The following SLC13A1 variants were observed in gnomAD, a reference collection of about 807,000 sequenced individuals.
SLC13A1 encodes the protein solute carrier family 13 member 1, also known as Na(+)/sulfate cotransporter.
Under a neutral mutation model 70.0 loss-of-function variants are expected in SLC13A1, and 65 were observed. That is an observed-to-expected ratio of 0.93 (90% confidence interval 0.76 to 1.14). The LOEUF (loss-of-function observed/expected upper bound fraction) is 1.14, where lower values mean the gene tolerates loss of function less well. Ranked by LOEUF, SLC13A1 falls within the 50% of genes most tolerant of loss-of-function variation. The pLI is 0.00. For missense variants in SLC13A1, 726 were observed against 717.8 expected, an observed-to-expected ratio of 1.01 and a Z score of -0.13; for synonymous variants, 275 against 250.5, an observed-to-expected ratio of 1.10 and a Z score of -0.92.
intron 10 of SLC13A1, among the ~76,000 whole-genome samples, chr7:123,126,753 C>T (rs1056965252): frequency 4.6e-5 from 7 of 151,918 alleles, no homozygotes; most frequent in African/African-American, 1.7e-4. Context: ...ACAAACTGGA[C>T]CGATATTTAT....
At chr7:123,143,668 T>C (rs151243368) in intron 7 of SLC13A1, among the ~76,000 whole-genome samples, 8 of 152,276 alleles carry the variant, frequency 5.3e-5, no homozygotes, top group East Asian at 3.9e-4. Context: ...TTCAATGATA[T>C]GAAATTAAAA....
intron 3 of SLC13A1, among the ~76,000 whole-genome samples, chr7:123,170,879 G>A (rs1402953813): frequency 2.0e-5 from 3 of 151,806 alleles, no homozygotes; most frequent in East Asian, 1.9e-4. Flanking sequence ...GTGCCCGGCC[G>A]AGATAATGTC....
intron 6 of SLC13A1, among the ~76,000 whole-genome samples, chr7:123,162,621 G>T (rs146859215): frequency 2.0e-5 from 3 of 151,990 alleles, no homozygotes; most frequent in Admixed American, 1.3e-4. Context: ...TGTTTGTTAC[G>T]TGATCTAAGC....
At chr7:123,144,854 A>G (rs1480502719) in intron 7 of SLC13A1, among the ~76,000 whole-genome samples, 1 of 152,190 alleles carries the variant, frequency 6.6e-6, no homozygotes, top group Non-Finnish European at 1.5e-5. Context: ...AATACTCAGA[A>G]CATAGCTTCA....
intron 6 of SLC13A1, among the ~76,000 whole-genome samples, chr7:123,155,662 TTTG>T (rs1403550025): frequency 1.3e-5 from 2 of 152,176 alleles, no homozygotes; most frequent in African/African-American, 4.8e-5. Flanking sequence ...TATTTTGGGA[TTTG>T]TTGTTGCCTG....
At chr7:123,131,322 T>G (rs1429691748) in intron 8 of SLC13A1, among the ~76,000 whole-genome samples, 1 of 152,064 alleles carries the variant, frequency 6.6e-6, no homozygotes, top group African/African-American at 2.4e-5. Context: ...GAGCAATCTG[T>G]AGAAGAGAAA....
chr7:123,156,401 AAT>A (rs1491324526), intron 6 of SLC13A1, among the ~76,000 whole-genome samples: 1 of 151,438 alleles, frequency 6.6e-6, no homozygotes, highest in Non-Finnish European at 1.5e-5. Context: ...TAAAGAAATA[AAT>A]ATTTACTAAT....
chr7:123,162,424 G>A (rs1166768995), intron 6 of SLC13A1, among the ~76,000 whole-genome samples: 1 of 152,024 alleles, frequency 6.6e-6, no homozygotes, highest in Admixed American at 6.6e-5. Context: ...TTCCTAAAGG[G>A]TGTATGGTAT....
chr7:123,185,315 G>T (rs1795763791), intron 1 of SLC13A1, among the ~76,000 whole-genome samples: 1 of 151,946 alleles, frequency 6.6e-6, no homozygotes, highest in Non-Finnish European at 1.5e-5. Flanking sequence ...TTTTGCTTTT[G>T]TTGCTGTGCT....
In SLC13A1 at chr7:123,198,366, CA is replaced by C. The variant is rs543884766; in HGVS notation, c.99+1481del. On this transcript the variant is annotated intron_variant, in intron 1 of 14. Coordinates refer to ENST00000194130, the MANE Select transcript of SLC13A1 (RefSeq NM_022444.4). Reference sequence around the variant, plus strand: ...ATTTGAAAAACAAAACCAACAAAGCCAAAAACAGCTGACAAGGTCTTTTAGT... The same window carrying C: ...ATTTGAAAAACAAAACCAACAAAGCCAAAACAGCTGACAAGGTCTTTTAGT... Among the ~76,000 whole-genome samples the C allele has an allele frequency of 1.3e-3, 191 of 152,048 alleles. 1 individual carries two copies. Among genetic ancestry groups the C allele is most frequent in the African/African-American group, 4.3e-3 (180 of 41,504 alleles).
chr7:123,167,796 A>G (rs1222014574), intron 6 of SLC13A1, among the ~76,000 whole-genome samples: 1 of 152,116 alleles, frequency 6.6e-6, no homozygotes, highest in African/African-American at 2.4e-5. Flanking sequence ...TGGAAGCACT[A>G]AAGATAACGA....
At chr7:123,140,500 A>AT (rs1794099050) in intron 7 of SLC13A1, among the ~76,000 whole-genome samples, 1 of 152,010 alleles carries the variant, frequency 6.6e-6, no homozygotes, top group African/African-American at 2.4e-5. Flanking sequence ...AGTAGGATTG[A>AT]TATTATTTCT....
At chr7:123,149,447 G>T (rs1463597622) in intron 6 of SLC13A1, 1 of 456,408 alleles carries the variant, frequency 2.2e-6, no homozygotes, top group South Asian at 1.5e-5. Context: ...ATCTCACCTT[G>T]TTAAGTAGGA....
chr7:123,189,132 A>AG (rs1554555891), intron 1 of SLC13A1, among the ~76,000 whole-genome samples: 1 of 149,656 alleles, frequency 6.7e-6, no homozygotes. Flanking sequence ...AAAAAAAAAA[A>AG]GAAAGAAAAT....
At chr7:123,146,403 T>C (rs1794351939) in intron 7 of SLC13A1, among the ~76,000 whole-genome samples, 1 of 152,156 alleles carries the variant, frequency 6.6e-6, no homozygotes, top group Non-Finnish European at 1.5e-5. Flanking sequence ...TGCATGCCTG[T>C]AATCCCAGCT....
rs6466854 is a variant in SLC13A1, at chr7:123,115,391, A to T, written c.*127T>A. The T allele has an allele frequency of 1.1e-6, 1 of 942,660 alleles. No homozygotes were observed. Among genetic ancestry groups the T allele is most frequent in the Non-Finnish European group, 1.6e-6 (1 of 641,002 alleles). 58.4% of individuals were successfully genotyped at this position (942,660 alleles called of 1,614,324 possible). The stretch of plus-strand genomic sequence containing the variant: ...ATAACAGCAGGTTTCGGGTATTCAC[A>T]GGAATTGCAGCAGCTACACCATAAC... On this transcript the variant is annotated 3_prime_UTR_variant, in exon 15 of 15. Transcript: ENST00000194130.
At position 123,134,547 on chromosome 7, in the gene SLC13A1, G is replaced by A. The variant is rs200594327; in HGVS notation, c.813-18C>T. The A allele has an allele frequency of 5.6e-6, 9 of 1,610,352 alleles. No individual in the cohort carries two copies. Among genetic ancestry groups the A allele is most frequent in the Non-Finnish European group, 7.6e-6 (9 of 1,178,008 alleles). On this transcript the variant is annotated intron_variant, in intron 7 of 14. Transcript: ENST00000194130. Reference sequence around the variant, plus strand: ...GATAGCGTCTGTGTGAAAACATGGAGACGTGTTCAGGGATGGAGAGACAGG... The same window carrying A: ...GATAGCGTCTGTGTGAAAACATGGAAACGTGTTCAGGGATGGAGAGACAGG...
At chr7:123,130,018 C>T (rs957699969) in intron 8 of SLC13A1, among the ~76,000 whole-genome samples, 1 of 152,114 alleles carries the variant, frequency 6.6e-6, no homozygotes, top group African/African-American at 2.4e-5. Flanking sequence ...AAATACCTGA[C>T]ACATCAATCC....
intron 7 of SLC13A1, among the ~76,000 whole-genome samples, chr7:123,146,247 G>A (rs1015065097): frequency 6.6e-5 from 10 of 152,098 alleles, no homozygotes; most frequent in African/African-American, 1.2e-4. Flanking sequence ...TAATGTGGCC[G>A]GGTGCAGGGG....
Sources: allele counts gnomAD v4.1 joint callset (sites outside exome capture counted in the v4.1 genomes callset), GRCh38; gene constraint gnomAD v4.1.1; transcripts MANE v1.5; gene names NCBI Gene and HGNC (gene_info 2026-07-23, HGNC 2026-07-21).